Variants in PTPRF observed in about 807,000 individuals in gnomAD.
PTPRF encodes receptor-type tyrosine-protein phosphatase F.
In PTPRF, 59 loss-of-function variants were observed where a neutral mutation model predicts 201.8. The ratio of observed to expected loss-of-function variants is 0.29; its 90% CI spans 0.24 to 0.36. The LOEUF is 0.36. Among genes scored for constraint, PTPRF ranks in the 10% least tolerant of loss-of-function variants. The pLI is 1.00. For synonymous variants in PTPRF, 1,088 were observed against 1,089.7 expected, an observed-to-expected ratio of 1.00 and a Z score of 0.03; for missense variants, 2,132 against 2,690.5, an observed-to-expected ratio of 0.79 and a Z score of 4.59.
At chr1:43,560,043 G>GT (rs1438506559) in intron 5 of PTPRF, among the ~76,000 whole-genome samples, 1 of 149,714 alleles carries the variant, frequency 6.7e-6, no homozygotes, top group Non-Finnish European at 1.5e-5. Flanking sequence ...GCAGCGGGTA[G>GT]TTTGCAGGGG....
At chr1:43,605,978 A>G (rs1655003173) in intron 19 of PTPRF, among the ~76,000 whole-genome samples, 2 of 152,174 alleles carry the variant, frequency 1.3e-5, no homozygotes, top group Admixed American at 6.5e-5. Context: ...GAAATCCTTC[A>G]GTCCTTTCTC....
chr1:43,548,445 C>G (rs187487299), intron 3 of PTPRF, among the ~76,000 whole-genome samples: 1 of 152,028 alleles, frequency 6.6e-6, no homozygotes, highest in Non-Finnish European at 1.5e-5. Flanking sequence ...TGTTGTCTGT[C>G]GTCATGCTCT....
At chr1:43,536,483 C>T (rs1048489191) in intron 1 of PTPRF, among the ~76,000 whole-genome samples, 3 of 152,186 alleles carry the variant, frequency 2.0e-5, no homozygotes, top group Admixed American at 6.5e-5. Flanking sequence ...TCTCCAAGCA[C>T]GAGACCCTGC....
intron 11 of PTPRF, 74 bp downstream of exon 11, chr1:43,592,675 C>G (rs1651145661): frequency 3.5e-6 from 5 of 1,427,162 alleles, no homozygotes; most frequent in Middle Eastern, 2.2e-4. Flanking sequence ...ACACATCCTT[C>G]CCCCTCGACC....
Position 43,553,870 on chromosome 1 carries a change from C to T in PTPRF, c.308C>T (p.Ala103Val). 1 of 1,614,160 alleles carries T rather than the reference C, an allele frequency of 6.2e-7. No homozygotes were observed. The highest frequency in any genetic ancestry group is 8.5e-7 in the Non-Finnish European group (1 of 1,180,034). The change falls in exon 5 of 34, where the codon GCC (alanine) becomes GTC (valine). Residue 103 changes from alanine to valine, a missense_variant. By Grantham distance (64) the Ala-to-Val change is moderately conservative (BLOSUM62 0). Around this residue, in one of 6 missense-constraint regions of PTPRF, gnomAD observed 297 missense variants for 454.0 expected, o/e 0.65. Coordinates refer to ENST00000359947, the MANE Select transcript of PTPRF (RefSeq NM_002840.5). The surrounding 1 kb of genome is among the most constrained non-coding windows in gnomAD (Gnocchi z 4.1). Reference sequence around the variant, plus strand: ...CCATTGCGGGTGCAGCGAGATGAAGCCATCTATGAGTGTACAGCTACTAAC... The same window carrying T: ...CCATTGCGGGTGCAGCGAGATGAAGTCATCTATGAGTGTACAGCTACTAAC... Reference protein sequence around the residue: ...IQPLRVQRDEAIYECTATNSL... With the variant: ...IQPLRVQRDEVIYECTATNSL...
rs1401450470 is a variant in PTPRF at position 43,546,181 on chromosome 1, T to G, written c.91+1015T>G. 6.6e-6 allele frequency among the ~76,000 whole-genome samples: 1 copy of G among 152,200 alleles called. No individual in the cohort carries two copies. Among genetic ancestry groups the G allele is most frequent in the Non-Finnish European group, 1.5e-5 (1 of 68,036 alleles). On this transcript the variant is annotated intron_variant, in intron 3 of 33. Coordinates refer to ENST00000359947, the MANE Select transcript of PTPRF (RefSeq NM_002840.5). This position sits in a 1 kb window ranked among gnomAD's most constrained non-coding sequence, Gnocchi z 4.2. Reference sequence around the variant, plus strand: ...CTCCCCTTGCCCCACCAGGGCTCTTTCTCCTAATGGCTCATTAATTATTCA... The same window carrying G: ...CTCCCCTTGCCCCACCAGGGCTCTTGCTCCTAATGGCTCATTAATTATTCA...
chr1:43,614,201 C>T (rs1227436226), intron 23 of PTPRF, among the ~76,000 whole-genome samples: 1 of 152,216 alleles, frequency 6.6e-6, no homozygotes, highest in Non-Finnish European at 1.5e-5. Context: ...AGCGGGGGCT[C>T]AGAGAGGGGA....
rs1372025919 is a variant in PTPRF at position 43,598,480 on chromosome 1, T to A, written c.2120-240T>A. On this transcript the variant is annotated intron_variant, in intron 12 of 33. Coordinates refer to ENST00000359947, the MANE Select transcript of PTPRF (RefSeq NM_002840.5). Reference sequence around the variant, plus strand: ...TCCACCTGTTCCCCCATGTCGACCCTCCCCACCAAGTGAGAGGCCTGGGCC... The same window carrying A: ...TCCACCTGTTCCCCCATGTCGACCCACCCCACCAAGTGAGAGGCCTGGGCC... The A allele has an allele frequency of 1.3e-5, 7 of 525,508 alleles. No individual in the cohort carries two copies. The African/African-American group carries it at 1.3e-4, about 10-fold the overall frequency. The allele number at this position is 525,508 out of a possible 1,614,324, so 32.6% of individuals were successfully genotyped here. A position where few individuals can be genotyped will look rare whatever the true frequency, so the allele number is the denominator to read the frequency against.
intron 5 of PTPRF, among the ~76,000 whole-genome samples, chr1:43,562,703 C>T (rs543949107): frequency 6.6e-5 from 10 of 152,174 alleles, no homozygotes; most frequent in Non-Finnish European, 1.5e-4. Flanking sequence ...TGAGCCACTG[C>T]TCCTGGCCAA....
At chr1:43,555,424 T>G (rs1194603185) in intron 5 of PTPRF, among the ~76,000 whole-genome samples, 1 of 151,620 alleles carries the variant, frequency 6.6e-6, no homozygotes, top group Non-Finnish European at 1.5e-5. Flanking sequence ...CCACTAAATA[T>G]TCTTCTGTAT....
At chr1:43,617,989 C>T (rs1658284734) in intron 25 of PTPRF, 78 bp downstream of exon 25, 2 of 1,432,500 alleles carry the variant, frequency 1.4e-6, no homozygotes, top group Admixed American at 4.5e-5. Context: ...TTCTTCTGTG[C>T]CGCTTTCTTC....
Position 43,545,070 on chromosome 1 carries a change from C to G in PTPRF, c.-6C>G. ...GCTGTGGCTGGCTGTGGAGCTAGAG[C>G]CCTGGATGGCCCCTGAGCCAGCCCC... On this transcript the variant is annotated 5_prime_UTR_variant, in exon 3 of 34. Transcript: ENST00000359947. 6.4e-7 allele frequency: 1 copy of G among 1,568,410 alleles called. No individual in the cohort carries two copies. The highest frequency in any genetic ancestry group is 8.6e-7 in the Non-Finnish European group (1 of 1,156,168).
intron 5 of PTPRF, among the ~76,000 whole-genome samples, chr1:43,559,860 AGGT>A (rs1416468859): frequency 7.0e-6 from 1 of 143,566 alleles, no homozygotes; most frequent in East Asian, 2.0e-4. Flanking sequence ...GGTGTGCAGC[AGGT>A]GGTGTGTAGC....
chr1:43,618,504 G>A, intron 25 of PTPRF, 126 bp from the exon 26 acceptor site: 1 of 1,219,808 alleles, frequency 8.2e-7, no homozygotes, highest in South Asian at 1.6e-5. Flanking sequence ...ATGGATCTGA[G>A]AGCTCAGGGC....
intron 5 of PTPRF, among the ~76,000 whole-genome samples, chr1:43,555,529 T>C (rs915476139): frequency 6.9e-6 from 1 of 145,064 alleles, no homozygotes; most frequent in Non-Finnish European, 1.5e-5. Context: ...CACTGCAGCC[T>C]CTGCCTCCTG....
At chr1:43,551,396 G>A (rs181437685) in intron 3 of PTPRF, among the ~76,000 whole-genome samples, 6 of 152,258 alleles carry the variant, frequency 3.9e-5, no homozygotes, top group African/African-American at 7.2e-5. Flanking sequence ...AGCTGCAGTC[G>A]GGAGAGCCTG....
At chr1:43,585,231 T>G (rs1269087667) in intron 7 of PTPRF, among the ~76,000 whole-genome samples, 6 of 152,106 alleles carry the variant, frequency 3.9e-5, no homozygotes, top group Non-Finnish European at 8.8e-5. Flanking sequence ...GGAGGATGGT[T>G]GGGGCTGCTG....
chr1:43,606,059 G>C (rs945868514), intron 19 of PTPRF, among the ~76,000 whole-genome samples, 181 bp from the exon 20 acceptor site: 1 of 152,188 alleles, frequency 6.6e-6, no homozygotes, highest in African/African-American at 2.4e-5. Flanking sequence ...ATGGGCTGGT[G>C]GGGAGGAGTG....
chr1:43,575,242 C>T (rs1260495499), intron 6 of PTPRF, among the ~76,000 whole-genome samples: 1 of 152,212 alleles, frequency 6.6e-6, no homozygotes, highest in Non-Finnish European at 1.5e-5. Flanking sequence ...TTATGAGGTG[C>T]TAGACAGGAA....
Sources: gnomAD v4.1 joint callset for allele counts (sites outside exome capture counted in the v4.1 genomes callset) on GRCh38, gnomAD v4.1.1 for gene constraint, gnomAD v4.1.1 regional missense constraint, Gnocchi (gnomAD v3.1) non-coding constraint, MANE v1.5 for transcripts, NCBI Gene and HGNC (gene_info 2026-07-23, HGNC 2026-07-21) for gene names.